AGO1: variants seen among roughly 807,000 people sequenced by gnomAD.
AGO1 encodes argonaute RISC component 1, also known as protein argonaute-1.
Under a neutral mutation model 109.2 loss-of-function variants are expected in AGO1, and 11 were observed. The observed-to-expected ratio is 0.10, with a 90% CI of 0.06 to 0.17. The LOEUF (loss-of-function observed/expected upper bound fraction) is 0.17. Among genes scored for constraint, AGO1 ranks in the 10% least tolerant of loss-of-function variants. The probability of loss-of-function intolerance (pLI) is 1.00; values close to 1 mark genes in which losing one functional copy is unlikely to be tolerated. For missense variants in AGO1, 574 were observed against 1,140.3 expected (o/e 0.50, Z 7.15); for synonymous variants, 422 against 418.6 (o/e 1.01, Z -0.10).
chr1:35,900,858 A>T (rs1236074476), intron 8 of AGO1, among the ~76,000 whole-genome samples: 3 of 152,082 alleles, frequency 2.0e-5, no homozygotes, highest in Admixed American at 6.5e-5. Flanking sequence ...CTCTGAGCCG[A>T]GATTGTGCCA....
rs763410885 is a variant in AGO1 at position 35,917,691 on chromosome 1, T to C, written c.2127T>C (p.His709=). 6.2e-7 allele frequency: 1 copy of C among 1,613,642 alleles called. No individual in the cohort carries two copies. The highest frequency in any genetic ancestry group is 1.1e-5 in the South Asian group (1 of 91,036). The change falls in exon 16 of 19, where the codon CAT becomes CAC. Residue 709 remains histidine, a synonymous_variant. Coordinates refer to ENST00000373204, the MANE Select transcript of AGO1 (RefSeq NM_012199.5). ...GITYIVVQKR[H]HTRLFCADKN... ...CTTATATTGTGGTGCAGAAACGCCATCACACCCGCCTTTTCTGTGCTGACA... is the reference window on the plus strand; with the variant it reads ...CTTATATTGTGGTGCAGAAACGCCACCACACCCGCCTTTTCTGTGCTGACA...
Position 35,894,164 on chromosome 1 carries a change from G to C in AGO1, c.777G>C (p.Glu259Asp). Residue 259 changes from glutamate (E) to aspartate (D), a missense_variant, in exon 6 of 19, where the codon GAG becomes GAC. By Grantham distance (45) the Glu-to-Asp change is conservative. Around this residue, in one of 8 missense-constraint regions of AGO1, gnomAD observed 129 missense variants for 243.0 expected, o/e 0.53. Transcript: ENST00000373204. ...TDSQRVRFTK[E>D]IKGLKVEVTH... is the part of the protein sequence containing the mutation. ...CTCAGCGCGTTCGCTTCACCAAGGA[G>C]ATCAAGGGTGAGGACCCAACAGGAG... 6.4e-7 allele frequency: 1 copy of C among 1,572,936 alleles called. No individual in the cohort carries two copies. Among genetic ancestry groups the C allele is most frequent in the Non-Finnish European group, 8.6e-7 (1 of 1,159,660 alleles).
intron 1 of AGO1, among the ~76,000 whole-genome samples, chr1:35,870,084 G>T (rs2148701620): frequency 6.6e-6 from 1 of 151,644 alleles, no homozygotes; most frequent in African/African-American, 2.4e-5. Flanking sequence ...CTTAAACCGT[G>T]AACTCTAGAG....
At position 35,888,715 on chromosome 1, in the gene AGO1, A is replaced by C. The variant is rs1645161900; in HGVS notation, c.209+105A>C. 22 of 1,337,436 alleles carry C rather than the reference A, an allele frequency of 1.6e-5. No individual in the cohort carries two copies. The highest frequency in any genetic ancestry group is 1.9e-5 in the Non-Finnish European group (19 of 991,860). The allele number at this position is 1,337,436 out of a possible 1,614,324, so 82.8% of individuals were successfully genotyped here. On this transcript the variant is annotated intron_variant, in intron 2 of 18. Transcript: ENST00000373204. This position sits in a 1 kb window ranked among gnomAD's most constrained non-coding sequence, Gnocchi z 4.1. ...AGTAGAGGGTAGTATCACCAAATCT[A>C]AGGAAGTTTTTGAACGGGAGATGCC...
At chr1:35,898,172 T>A (rs1171272343) in intron 8 of AGO1, among the ~76,000 whole-genome samples, 1 of 152,204 alleles carries the variant, frequency 6.6e-6, no homozygotes, top group Admixed American at 6.5e-5. Context: ...CTGTGAACAT[T>A]GATGTACACA....
At chr1:35,880,404 A>C (rs999710592), upstream of AGO1, among the ~76,000 whole-genome samples, 1 of 152,130 alleles carries the variant, frequency 6.6e-6, no homozygotes, top group Non-Finnish European at 1.5e-5. Flanking sequence ...TAAGTAAATA[A>C]ATAAATAAAA....
chr1:35,870,578 G>A (rs1239769806), intron 1 of AGO1, among the ~76,000 whole-genome samples: 5 of 152,086 alleles, frequency 3.3e-5, no homozygotes, highest in Non-Finnish European at 7.4e-5. Context: ...CACCGCGCCT[G>A]GCCATATGTA....
In AGO1 at chr1:35,930,075, T is replaced by TAA. The variant is rs1057183876; in HGVS notation, c.*10471_*10472dup. 1.3e-5 allele frequency: 2 copies of TAA among 152,216 alleles called. No homozygotes were observed. Among genetic ancestry groups the TAA allele is most frequent in the Non-Finnish European group, 2.9e-5 (2 of 68,036 alleles). The allele number at this position is 152,216 out of a possible 1,614,324, so 9.4% of individuals were successfully genotyped here. ...ATTATGAATGATTCCTCAGCCTGAATAAAATAGTATGTTTCATTAAGGCAA... is the reference window on the plus strand; with the variant it reads ...ATTATGAATGATTCCTCAGCCTGAATAAAAAATAGTATGTTTCATTAAGGCAA... On this transcript the variant is annotated 3_prime_UTR_variant, in exon 19 of 19. Coordinates refer to ENST00000373204, the MANE Select transcript of AGO1 (RefSeq NM_012199.5).
chr1:35,882,719 G>A, upstream of AGO1: 1 of 732,892 alleles, frequency 1.4e-6, no homozygotes, highest in South Asian at 6.2e-5. The surrounding 1 kb of genome is among the most constrained non-coding windows in gnomAD (Gnocchi z 5.1). Flanking sequence ...CACATGGCGT[G>A]GAAGAGGGGG....
intron 2 of AGO1, among the ~76,000 whole-genome samples, chr1:35,890,219 C>CA (rs937615511): frequency 6.6e-6 from 1 of 152,018 alleles, no homozygotes; most frequent in African/African-American, 2.4e-5. Flanking sequence ...GACAGGGTTT[C>CA]ACTATGTTGG....
chr1:35,910,098 G>A (rs945054485), intron 12 of AGO1, among the ~76,000 whole-genome samples: 6 of 148,066 alleles, frequency 4.1e-5, no homozygotes, highest in African/African-American at 1.5e-4. Context: ...TGGACAATCT[G>A]ACTGGTACTC....
In AGO1 at chr1:35,928,704, C is replaced by G. The variant is rs1229978878; in HGVS notation, c.*9097C>G. The G allele has an allele frequency of 1.3e-5, 2 of 152,238 alleles. No individual in the cohort carries two copies. Among genetic ancestry groups the G allele is most frequent in the Non-Finnish European group, 2.9e-5 (2 of 68,044 alleles). 9.4% of individuals were successfully genotyped at this position (152,238 alleles called of 1,614,324 possible). Reference sequence around the variant, plus strand: ...TACATCTATTTTTCCCAGTCTGTGGCTTGCCTTTTCATTTTGAAGAGCAAA... The same window carrying G: ...TACATCTATTTTTCCCAGTCTGTGGGTTGCCTTTTCATTTTGAAGAGCAAA... On this transcript the variant is annotated 3_prime_UTR_variant, in exon 19 of 19. Coordinates refer to ENST00000373204, the MANE Select transcript of AGO1 (RefSeq NM_012199.5).
At chr1:35,902,489 T>C in intron 11 of AGO1, 152 bp downstream of exon 11, 1 of 1,088,428 alleles carries the variant, frequency 9.2e-7, no homozygotes, top group Non-Finnish European at 1.2e-6. Context: ...CTACCAATTC[T>C]TTTTCTATCC....
chr1:35,874,598 G>A (rs981116434), intron 1 of AGO1, among the ~76,000 whole-genome samples: 1 of 152,172 alleles, frequency 6.6e-6, no homozygotes, highest in Non-Finnish European at 1.5e-5. Flanking sequence ...CCCTGCAATG[G>A]CCTGTAAGTG....
intron 1 of AGO1, among the ~76,000 whole-genome samples, chr1:35,887,672 T>A (rs904938704): frequency 4.6e-5 from 7 of 151,798 alleles, no homozygotes; most frequent in Non-Finnish European, 7.4e-5. Context: ...TTTTTTTTTA[T>A]CATTGTCTCC....
At chr1:35,910,678 A>T (rs903736491) in intron 12 of AGO1, among the ~76,000 whole-genome samples, 2 of 152,192 alleles carry the variant, frequency 1.3e-5, no homozygotes, top group Non-Finnish European at 2.9e-5. Flanking sequence ...GTGGTTTGTT[A>T]TAGTTTTTCC....
Position 35,888,599 on chromosome 1 carries a change from T to C in AGO1, c.198T>C (p.Arg66=). The C allele has an allele frequency of 6.2e-7, 1 of 1,614,170 alleles. No individual in the cohort carries two copies. The highest frequency in any genetic ancestry group is 2.2e-5 in the East Asian group (1 of 44,890). The change falls in exon 2 of 19, where the codon CGT becomes CGC. Residue 66 remains arginine, a synonymous_variant. Transcript: ENST00000373204. This position sits in a 1 kb window ranked among gnomAD's most constrained non-coding sequence, Gnocchi z 4.1. ...EVDIKPDKCP[R]RVNREVVEYM... ...ACATCAAGCCGGATAAGTGTCCCCG[T>C]AGAGTCAACCGGTAAGTGATGCACA...
chr1:35,870,440 C>T (rs1644939983), intron 1 of AGO1, among the ~76,000 whole-genome samples: 2 of 152,000 alleles, frequency 1.3e-5, no homozygotes, highest in African/African-American at 2.4e-5. Flanking sequence ...CCCGCCACCA[C>T]GCCCGGCTAA....
rs1375424872 is a variant in AGO1, at chr1:35,928,341, C to T, written c.*8734C>T. 5 of 152,294 alleles carry T rather than the reference C, an allele frequency of 3.3e-5. No individual in the cohort carries two copies. The highest frequency in any genetic ancestry group is 7.3e-5 in the Non-Finnish European group (5 of 68,094). 9.4% of individuals were successfully genotyped at this position (152,294 alleles called of 1,614,324 possible). ...TGTCACCCAGGCTGGAGTGCAGTCT[C>T]ATGATCGCGGCTCACTGCAGTTTCT... On this transcript the variant is annotated 3_prime_UTR_variant, in exon 19 of 19. Transcript: ENST00000373204.
Sources: gnomAD v4.1 joint callset for allele counts (sites outside exome capture counted in the v4.1 genomes callset) on GRCh38, gnomAD v4.1.1 for gene constraint, gnomAD v4.1.1 regional missense constraint, Gnocchi (gnomAD v3.1) non-coding constraint, MANE v1.5 for transcripts, NCBI Gene and HGNC (gene_info 2026-07-23, HGNC 2026-07-21) for gene names.